CTNND2: variants seen among roughly 807,000 people sequenced by gnomAD.
CTNND2 encodes the protein catenin delta-2.
A neutral mutation model predicts 144.4 loss-of-function variants in CTNND2; 22 were observed. The ratio of observed to expected loss-of-function variants is 0.15; its 90% CI spans 0.11 to 0.22. The LOEUF (loss-of-function observed/expected upper bound fraction) is 0.22, where lower values mean the gene tolerates loss of function less well. CTNND2 is among the 10% of genes least tolerant of loss of function. The pLI is 1.00. For synonymous variants in CTNND2, 751 were observed against 695.6 expected (o/e 1.08, Z -1.25); for missense variants, 1,353 against 1,618.8 (o/e 0.84, Z 2.82).
intron 9 of CTNND2, among the ~76,000 whole-genome samples, chr5:11,267,821 T>C (rs1394192590): frequency 1.3e-5 from 2 of 152,188 alleles, no homozygotes; most frequent in African/African-American, 4.8e-5. Context: ...CTAGATCCCT[T>C]AGAGAGAAGA....
chr5:11,638,534 C>A (rs951263488), intron 2 of CTNND2, among the ~76,000 whole-genome samples: 1 of 152,162 alleles, frequency 6.6e-6, no homozygotes, highest in Non-Finnish European at 1.5e-5. Flanking sequence ...GTTTCCCGCA[C>A]AAAAGTTGCT....
intron 17 of CTNND2, among the ~76,000 whole-genome samples, chr5:11,021,287 T>G (rs1466057033): frequency 6.6e-6 from 1 of 152,232 alleles, no homozygotes; most frequent in African/African-American, 2.4e-5. Flanking sequence ...GAAAATACTT[T>G]AATCTTTGAA....
intron 3 of CTNND2, among the ~76,000 whole-genome samples, chr5:11,493,265 T>C (rs768943861): frequency 6.6e-6 from 1 of 152,166 alleles, no homozygotes; most frequent in Non-Finnish European, 1.5e-5. Flanking sequence ...CCTTTCAGTC[T>C]CACCTGCAGA....
chr5:11,730,908 C>T (rs1787353312), intron 2 of CTNND2, among the ~76,000 whole-genome samples: 1 of 152,148 alleles, frequency 6.6e-6, no homozygotes, highest in Non-Finnish European at 1.5e-5. Flanking sequence ...AATAAGAAAG[C>T]ACGACATAAC....
At chr5:11,704,172 T>C (rs1581746784) in intron 2 of CTNND2, among the ~76,000 whole-genome samples, 7 of 152,220 alleles carry the variant, frequency 4.6e-5, no homozygotes, top group Admixed American at 3.3e-4. Context: ...GAAGCCTCAA[T>C]AGTGCTCATC....
chr5:11,223,283 A>G (rs1018182222), intron 10 of CTNND2, among the ~76,000 whole-genome samples: 11 of 152,176 alleles, frequency 7.2e-5, no homozygotes, highest in Non-Finnish European at 1.0e-4. Context: ...TTAAGCATAA[A>G]GGAATACAGT....
At chr5:11,186,967 G>C (rs559532706) in intron 11 of CTNND2, among the ~76,000 whole-genome samples, 1 of 152,128 alleles carries the variant, frequency 6.6e-6, no homozygotes, top group African/African-American at 2.4e-5. Flanking sequence ...CACTATGACC[G>C]GTAAGTGTGG....
intron 4 of CTNND2, 107 bp downstream of exon 4, chr5:11,411,928 G>T: frequency 2.2e-6 from 2 of 902,480 alleles, no homozygotes; most frequent in South Asian, 1.4e-5. Context: ...TTACTATCGG[G>T]ATGTTTTCCT....
At chr5:11,044,716 T>C (rs1015004461) in intron 16 of CTNND2, among the ~76,000 whole-genome samples, 8 of 152,170 alleles carry the variant, frequency 5.3e-5, no homozygotes, top group Admixed American at 4.6e-4. Context: ...TGTGCCTGAA[T>C]ACAGATCCAG....
chr5:11,088,155 G>C (rs1000800500), intron 15 of CTNND2, among the ~76,000 whole-genome samples: 2 of 152,224 alleles, frequency 1.3e-5, no homozygotes, highest in Non-Finnish European at 2.9e-5. Context: ...ATCTAGAAAT[G>C]CCTTCTGGGG....
At chr5:11,594,607 G>A (rs902449079) in intron 2 of CTNND2, among the ~76,000 whole-genome samples, 1 of 152,052 alleles carries the variant, frequency 6.6e-6, no homozygotes, top group African/African-American at 2.4e-5. Flanking sequence ...TATTTGCTGT[G>A]GTATCATTAA....
intron 13 of CTNND2, among the ~76,000 whole-genome samples, chr5:11,116,427 T>C (rs1022120203): frequency 5.3e-5 from 8 of 152,258 alleles, no homozygotes; most frequent in African/African-American, 1.9e-4. Flanking sequence ...AGGGTGGCTC[T>C]TGAGAAATCC....
chr5:11,723,991 C>A (rs1035637039), intron 2 of CTNND2, among the ~76,000 whole-genome samples: 3 of 151,702 alleles, frequency 2.0e-5, no homozygotes, highest in Non-Finnish European at 4.4e-5. Flanking sequence ...GGAGGCGGAC[C>A]TTGCAGCGAG....
chr5:11,560,585 GT>G (rs1023754032), intron 3 of CTNND2, among the ~76,000 whole-genome samples: 1 of 152,204 alleles, frequency 6.6e-6, no homozygotes, highest in African/African-American at 2.4e-5. Context: ...TTATGGTAAA[GT>G]CAATGGAGTG....
At chr5:11,758,205 A>G (rs960900264) in intron 1 of CTNND2, among the ~76,000 whole-genome samples, 1 of 151,982 alleles carries the variant, frequency 6.6e-6, no homozygotes, top group Admixed American at 6.6e-5. Flanking sequence ...TGATACCAAT[A>G]TCTATTTAAA....
intron 3 of CTNND2, among the ~76,000 whole-genome samples, chr5:11,414,354 A>C (rs1421000162): frequency 6.6e-6 from 1 of 152,198 alleles, no homozygotes; most frequent in Non-Finnish European, 1.5e-5. Flanking sequence ...CAGATACAAC[A>C]AAAAAGTTCT....
intron 10 of CTNND2, among the ~76,000 whole-genome samples, chr5:11,200,968 C>T (rs182423308): frequency 5.8e-4 from 89 of 152,156 alleles, no homozygotes; most frequent in African/African-American, 2.0e-3. Context: ...CGTGAGCCAC[C>T]GTGCCAGGCC....
intron 9 of CTNND2, among the ~76,000 whole-genome samples, chr5:11,295,872 T>TAAAAAA (rs201543809): frequency 2.6e-5 from 4 of 152,038 alleles, no homozygotes; most frequent in South Asian, 2.1e-4. Context: ...CCTAAAGCCA[T>TAAAAAA]AAAAACCCTA....
intron 2 of CTNND2, among the ~76,000 whole-genome samples, chr5:11,583,237 A>G (rs577983211): frequency 1.3e-5 from 2 of 152,202 alleles, no homozygotes; most frequent in Non-Finnish European, 1.5e-5. Flanking sequence ...ATCCACCATC[A>G]TCCTGAGCTC....
Sources: gnomAD v4.1 joint callset for allele counts (sites outside exome capture counted in the v4.1 genomes callset) on GRCh38, gnomAD v4.1.1 for gene constraint, MANE v1.5 for transcripts, NCBI Gene and HGNC (gene_info 2026-07-23, HGNC 2026-07-21) for gene names.